The following ZDHHC11B variants were observed in gnomAD, a reference collection of about 807,000 sequenced individuals.
The protein encoded by ZDHHC11B is probable palmitoyltransferase ZDHHC11B.
A neutral mutation model predicts 42.3 loss-of-function variants in ZDHHC11B; 17 were observed. The observed-to-expected ratio is 0.40, with a 90% CI of 0.27 to 0.60. The LOEUF (loss-of-function observed/expected upper bound fraction) is 0.60, where lower values mean the gene tolerates loss of function less well. Ranked by LOEUF, ZDHHC11B falls within the 20% of genes least tolerant of loss-of-function variation. The pLI, the probability that ZDHHC11B is intolerant of heterozygous loss-of-function variation, is 0.41. For synonymous variants in ZDHHC11B, 123 were observed against 193.5 expected (o/e 0.64, Z 3.02); for missense variants, 262 against 463.2 (o/e 0.57, Z 3.99).
chr5:731,781 C>T (rs1394897573), intron 11 of ZDHHC11B, among the ~76,000 whole-genome samples: 5 of 151,726 alleles, frequency 3.3e-5, no homozygotes, highest in South Asian at 2.1e-4. Flanking sequence ...CACAAGACTC[C>T]GGAGATATTC....
chr5:783,903 A>C (rs1737061003), intron 1 of ZDHHC11B, among the ~76,000 whole-genome samples: 1 of 147,564 alleles, frequency 6.8e-6, no homozygotes, highest in African/African-American at 2.5e-5. Context: ...TTATCAAAAC[A>C]GCAGCCCCGC....
chr5:743,719 G>T (rs1284417325), intron 9 of ZDHHC11B, among the ~76,000 whole-genome samples: 1 of 149,992 alleles, frequency 6.7e-6, no homozygotes, highest in African/African-American at 2.4e-5. Flanking sequence ...CGAGATGTGC[G>T]AGTGTGTATT....
chr5:749,122 G>A lies in ZDHHC11B; in HGVS notation c.629-563C>T, dbSNP rs750107334. ...CCACCCCTTCCTCACTAAGTACCAG[G>A]GTCACAGCGCCTGCTGGCTCTGCCG... On this transcript the variant is annotated intron_variant, in intron 7 of 13. Coordinates refer to ENST00000508859, the MANE Select transcript of ZDHHC11B (RefSeq NM_001351303.2). 1.5e-4 allele frequency among the ~76,000 whole-genome samples: 17 copies of A among 114,102 alleles called. 4 individuals carry two copies. The highest frequency in any genetic ancestry group is 3.0e-4 in the Non-Finnish European group (17 of 56,768). 74.9% of individuals were successfully genotyped at this position (114,102 alleles called of 152,430 possible).
intron 10 of ZDHHC11B, among the ~76,000 whole-genome samples, chr5:739,313 G>A (rs1405527162): frequency 7.3e-5 from 11 of 151,376 alleles, no homozygotes; most frequent in South Asian, 2.1e-4. Context: ...CAAGAGAATC[G>A]CTTCAACCCA....
chr5:728,845 C>T (rs1411652796), intron 12 of ZDHHC11B, among the ~76,000 whole-genome samples: 4 of 151,772 alleles, frequency 2.6e-5, no homozygotes, highest in Non-Finnish European at 5.9e-5. Context: ...AACATGGTGA[C>T]ACCCCATCTC....
intron 4 of ZDHHC11B, among the ~76,000 whole-genome samples, 163 bp downstream of exon 4, chr5:766,535 C>G (rs547116439): frequency 2.0e-5 from 3 of 151,874 alleles, no homozygotes; most frequent in Admixed American, 2.0e-4. Flanking sequence ...GCACAGAGCA[C>G]GAATGGCCAC....
chr5:776,725 C>T (rs1736527216), intron 1 of ZDHHC11B, among the ~76,000 whole-genome samples: 1 of 151,972 alleles, frequency 6.6e-6, no homozygotes, highest in Admixed American at 6.6e-5. Flanking sequence ...ACCAAGGGGC[C>T]TTCTAGGACC....
intron 10 of ZDHHC11B, among the ~76,000 whole-genome samples, chr5:734,185 G>T (rs1743334877): frequency 7.0e-6 from 1 of 142,168 alleles, no homozygotes; most frequent in Non-Finnish European, 1.5e-5. Flanking sequence ...GCTCCCACAT[G>T]GAGAGACAGA....
chr5:751,262 C>CTGTGTGTCTCCCGGCA lies in ZDHHC11B; in HGVS notation c.504-6_504-5insTGCCGGGAGACACACA. ...GCCACAGTGCTGAAGAAGAACCTGC[C>CTGTGTGTCTCCCGGCA]GGGAGACACACAGGCAGGCATGGGG... On this transcript the variant is annotated splice_polypyrimidine_tract_variant and splice_region_variant and intron_variant, in intron 6 of 13. Coordinates refer to ENST00000508859, the MANE Select transcript of ZDHHC11B (RefSeq NM_001351303.2). 9.0e-7 allele frequency: 1 copy of CTGTGTGTCTCCCGGCA among 1,105,342 alleles called. No homozygotes were observed. The highest frequency in any genetic ancestry group is 1.2e-6 in the Non-Finnish European group (1 of 845,748). 68.5% of individuals were successfully genotyped at this position (1,105,342 alleles called of 1,614,324 possible). A position where few individuals can be genotyped will look rare whatever the true frequency, so the allele number is the denominator to read the frequency against.
intron 4 of ZDHHC11B, among the ~76,000 whole-genome samples, chr5:758,024 G>C (rs951433136): frequency 6.6e-6 from 1 of 151,816 alleles, no homozygotes; most frequent in African/African-American, 2.4e-5. Context: ...GCTGGGCCGG[G>C]CACAGGGCTC....
At chr5:756,276 C>T (rs1160578622) in intron 4 of ZDHHC11B, 132 bp from the exon 5 acceptor site, 4 of 1,369,592 alleles carry the variant, frequency 2.9e-6, no homozygotes, top group African/African-American at 2.8e-5. Context: ...CACGTGAGCC[C>T]AGCTCACCCA....
At chr5:750,369 T>TCCGGGCGACC (rs1210635425) in intron 7 of ZDHHC11B, among the ~76,000 whole-genome samples, 1 of 136,220 alleles carries the variant, frequency 7.3e-6, no homozygotes, top group African/African-American at 2.7e-5. Flanking sequence ...CTCCTGTGGC[T>TCCGGGCGACC]CCGGGCGACC....
intron 6 of ZDHHC11B, among the ~76,000 whole-genome samples, 200 bp from the exon 7 acceptor site, chr5:751,457 GGCA>G (rs1745701144): frequency 6.7e-4 from 20 of 29,688 alleles, no homozygotes; most frequent in Non-Finnish European, 1.0e-3. Context: ...GGACACGCAG[GGCA>G]TCTGAGGCAG....
intron 4 of ZDHHC11B, 133 bp downstream of exon 4, chr5:766,564 CG>C: frequency 1.9e-6 from 2 of 1,037,406 alleles, no homozygotes; most frequent in Non-Finnish European, 2.8e-6. Context: ...CCTGCAGGCT[CG>C]GGGGACATAG....
rs576597954 is a variant in ZDHHC11B at position 775,992 on chromosome 5, T to C, written c.-229-7062A>G. On this transcript the variant is annotated intron_variant, in intron 1 of 13. Transcript: ENST00000508859. ...CTGGGGGTCCCTGGTCCTCTCTCCA[T>C]GGGCAGATTCCCATGCAGATACCCT... Among the ~76,000 whole-genome samples the C allele has an allele frequency of 2.0e-5, 3 of 147,682 alleles. No homozygotes were observed. The South Asian group carries it at 6.4e-4, about 32-fold the overall frequency.
At chr5:765,202 T>C (rs1357638148) in intron 4 of ZDHHC11B, among the ~76,000 whole-genome samples, 11 of 143,580 alleles carry the variant, frequency 7.7e-5, no homozygotes, top group South Asian at 2.3e-4. Flanking sequence ...ACTTGGAGAA[T>C]CTTTATGTCT....
In ZDHHC11B at chr5:711,356, T is replaced by C. The variant is rs62332065; in HGVS notation, c.*934A>G. 0.73 allele frequency: 107,581 copies of C among 147,718 alleles called. 37,590 individuals are homozygous for C. Among genetic ancestry groups the C allele is most frequent in the African/African-American group, 0.89 (35,125 of 39,330 alleles). The allele number at this position is 147,718 out of a possible 1,614,324, so 9.2% of individuals were successfully genotyped here. A position where few individuals can be genotyped will look rare whatever the true frequency, so the allele number is the denominator to read the frequency against. The stretch of plus-strand genomic sequence containing the variant: ...TGTGCTCCCATTTCCCAGTACTATG[T>C]TCCCATTTCCCAGTGCTGTGAGCTC... On this transcript the variant is annotated 3_prime_UTR_variant, in exon 14 of 14. Transcript: ENST00000508859.
At chr5:746,171 C>G (rs1744788541) in intron 8 of ZDHHC11B, among the ~76,000 whole-genome samples, 1 of 147,744 alleles carries the variant, frequency 6.8e-6, no homozygotes, top group Non-Finnish European at 1.5e-5. Context: ...GCCAAACTCT[C>G]CATGCTTCTT....
rs1741481451 is a variant in ZDHHC11B at position 712,933 on chromosome 5, T to TAC, written c.*8-652_*8-651insGT. On this transcript the variant is annotated intron_variant, in intron 13 of 13. Coordinates refer to ENST00000508859, the MANE Select transcript of ZDHHC11B (RefSeq NM_001351303.2). ...AAATACATATGTGTGTGTGTGTATA[T>TAC]ATATATATATTCTTTGTTTACGGCA... Among the ~76,000 whole-genome samples, 15 of 149,110 alleles carry TAC rather than the reference T, an allele frequency of 1.0e-4. No homozygotes were observed. In the Admixed American group the frequency reaches 1.0e-3, roughly 10 times the overall value.
Sources: allele counts gnomAD v4.1 joint callset (sites outside exome capture counted in the v4.1 genomes callset), GRCh38; gene constraint gnomAD v4.1.1; transcripts MANE v1.5; gene names NCBI Gene and HGNC (gene_info 2026-07-23, HGNC 2026-07-21).